Variants in DIP2C observed in about 807,000 individuals in gnomAD.
DIP2C encodes the protein DIP2 acetate--CoA ligase C (putative), also known as disco-interacting protein 2 homolog C.
A neutral mutation model predicts 192.4 loss-of-function variants in DIP2C; 33 were observed. The observed-to-expected ratio is 0.17, with a 90% CI of 0.13 to 0.23. DIP2C has a LOEUF of 0.23. Ranked by LOEUF, DIP2C falls within the 10% of genes least tolerant of loss-of-function variation. The probability of loss-of-function intolerance (pLI) is 1.00; values close to 1 mark genes in which losing one functional copy is unlikely to be tolerated. For missense variants in DIP2C, 1,537 were observed against 2,110.1 expected (o/e 0.73, Z 5.32); for synonymous variants, 979 against 864.1 (o/e 1.13, Z -2.33).
chr10:289,261 C>G (rs1363019587), intron 32 of DIP2C, among the ~76,000 whole-genome samples: 1 of 106,710 alleles, frequency 9.4e-6, no homozygotes, highest in Non-Finnish European at 1.9e-5. Context: ...TCCTACCATC[C>G]CCCAGTGATG....
intron 3 of DIP2C, among the ~76,000 whole-genome samples, chr10:441,347 C>G (rs1400492242): frequency 6.7e-6 from 1 of 148,278 alleles, no homozygotes; most frequent in Admixed American, 6.6e-5. Context: ...TGCTGAGAGG[C>G]TGTGCATGCC....
At chr10:492,858 T>G (rs2133595286) in intron 1 of DIP2C, among the ~76,000 whole-genome samples, 1 of 152,284 alleles carries the variant, frequency 6.6e-6, no homozygotes, top group South Asian at 2.1e-4. Context: ...AACACATGGA[T>G]CAAAAGAACA....
At chr10:390,213 T>C in intron 12 of DIP2C, 51 bp downstream of exon 12, 2 of 1,598,136 alleles carry the variant, frequency 1.3e-6, no homozygotes, top group Non-Finnish European at 8.6e-7. Context: ...AAACACACGT[T>C]AGTGCCAAGG....
rs1959949819 is a variant in DIP2C at position 364,549 on chromosome 10, T to C, written c.2302A>G (p.Ser768Gly). Residue 768 changes from serine to glycine, a missense_variant, in exon 20 of 37, where the codon AGT becomes GGT. Transcript: ENST00000280886. ...FPMTSSGAPI[S>G]EYPFIRTGLL... ...CCTGTCCTTATGAATGGGTATTCAC[T>C]GATCGGAGCCCCGGAGCTTGTCATG... The C allele has an allele frequency of 2.5e-6, 4 of 1,613,938 alleles. No homozygotes were observed. Among genetic ancestry groups the C allele is most frequent in the Middle Eastern group, 3.3e-4 (2 of 6,082 alleles).
chr10:398,914 A>C (rs1475344304), intron 10 of DIP2C, among the ~76,000 whole-genome samples, 195 bp downstream of exon 10: 1 of 152,166 alleles, frequency 6.6e-6, no homozygotes, highest in Non-Finnish European at 1.5e-5. Flanking sequence ...GTTTGACCCC[A>C]AAGCAAGCTG....
intron 1 of DIP2C, among the ~76,000 whole-genome samples, chr10:528,865 A>T (rs1158215406): frequency 6.6e-6 from 1 of 152,202 alleles, no homozygotes; most frequent in Non-Finnish European, 1.5e-5. Context: ...GCGACTCAGC[A>T]GCTCTCCTCT....
chr10:370,951 G>C (rs1960878409), intron 17 of DIP2C, among the ~76,000 whole-genome samples: 1 of 152,138 alleles, frequency 6.6e-6, no homozygotes, highest in African/African-American at 2.4e-5. Context: ...CTAGATGTAA[G>C]AATCAAAAAG....
chr10:600,964 C>A (rs923007178), intron 1 of DIP2C, among the ~76,000 whole-genome samples: 2 of 152,180 alleles, frequency 1.3e-5, no homozygotes, highest in South Asian at 2.1e-4. Context: ...TGTGGTGTCA[C>A]GTGCACACAT....
intron 1 of DIP2C, among the ~76,000 whole-genome samples, chr10:505,371 G>T (rs1001725960): frequency 6.6e-6 from 1 of 152,200 alleles, no homozygotes; most frequent in Non-Finnish European, 1.5e-5. Context: ...ACGGACAGGG[G>T]CATCTCCACC....
intron 31 of DIP2C, among the ~76,000 whole-genome samples, chr10:310,328 A>T (rs1282046464): frequency 6.6e-6 from 1 of 152,228 alleles, no homozygotes; most frequent in African/African-American, 2.4e-5. Flanking sequence ...CCGCCAATAT[A>T]TAAAAATAGG....
chr10:658,878 C>T (rs908640597), intron 1 of DIP2C, among the ~76,000 whole-genome samples: 3 of 152,196 alleles, frequency 2.0e-5, no homozygotes, highest in Non-Finnish European at 2.9e-5. Context: ...CGGAGGATCC[C>T]ATGCACTCTC....
chr10:527,285 ACCCT>A (rs755866347), intron 1 of DIP2C, among the ~76,000 whole-genome samples: 4 of 151,596 alleles, frequency 2.6e-5, no homozygotes, highest in Admixed American at 2.6e-4. Flanking sequence ...TGGCCTCCCG[ACCCT>A]CCCCGCTTCT....
intron 10 of DIP2C, among the ~76,000 whole-genome samples, chr10:394,285 T>G (rs565121797): frequency 1.5e-4 from 23 of 151,928 alleles, no homozygotes; most frequent in African/African-American, 5.6e-4. Flanking sequence ...CGTCACACAG[T>G]GGGCGCTATT....
At chr10:485,860 C>A (rs983573526) in intron 2 of DIP2C, among the ~76,000 whole-genome samples, 7 of 152,252 alleles carry the variant, frequency 4.6e-5, no homozygotes, top group African/African-American at 1.7e-4. Context: ...CAGCTGGGAA[C>A]TGAGGTGCTA....
chr10:357,786 AAGTCGGGGACGGTCGGGG>A, intron 23 of DIP2C, 24 bp downstream of exon 23: 1 of 1,508,710 alleles, frequency 6.6e-7, no homozygotes, highest in Non-Finnish European at 9.2e-7. Context: ...ACAGTCGGAA[AAGTCGGGGACGGTCGGGG>A]AGACTCAGGG....
At chr10:566,904 G>C (rs1849497118) in intron 1 of DIP2C, among the ~76,000 whole-genome samples, 1 of 152,238 alleles carries the variant, frequency 6.6e-6, no homozygotes, top group Non-Finnish European at 1.5e-5. Context: ...TTGGATGAGA[G>C]AAATCCCATT....
intron 9 of DIP2C, among the ~76,000 whole-genome samples, chr10:401,694 TC>T (rs1964466674): frequency 6.7e-6 from 1 of 148,964 alleles, no homozygotes; most frequent in Admixed American, 6.7e-5. Flanking sequence ...GCATTACTCT[TC>T]CTTATGGACA....
intron 1 of DIP2C, among the ~76,000 whole-genome samples, chr10:644,829 CG>C (rs1167751870): frequency 1.3e-5 from 2 of 152,266 alleles, no homozygotes; most frequent in Non-Finnish European, 2.9e-5. Flanking sequence ...GAATGAAACA[CG>C]GCCCCTGGGC....
chr10:462,296 G>GAA (rs1356206962), intron 3 of DIP2C, among the ~76,000 whole-genome samples: 1 of 151,938 alleles, frequency 6.6e-6, no homozygotes, highest in East Asian at 1.9e-4. Context: ...AGACAAAGAA[G>GAA]AAAAGAGAGA....
Sources: allele counts gnomAD v4.1 joint callset (sites outside exome capture counted in the v4.1 genomes callset), GRCh38; gene constraint gnomAD v4.1.1; transcripts MANE v1.5; gene names NCBI Gene and HGNC (gene_info 2026-07-23, HGNC 2026-07-21).